Variants in LARP4B observed in about 807,000 individuals in gnomAD.
The protein encoded by LARP4B is la-related protein 4B.
In LARP4B, 12 loss-of-function variants were observed where a neutral mutation model predicts 89.8. The ratio of observed to expected loss-of-function variants is 0.13; its 90% CI spans 0.09 to 0.22. The LOEUF (loss-of-function observed/expected upper bound fraction) is 0.22. Ranked by LOEUF, LARP4B falls within the 10% of genes least tolerant of loss-of-function variation. The pLI, the probability that LARP4B is intolerant of heterozygous loss-of-function variation, is 1.00. For synonymous variants in LARP4B, 367 were observed against 363.3 expected (o/e 1.01, Z -0.12); for missense variants, 757 against 947.7 (o/e 0.80, Z 2.64).
the LARP4B span, among the ~76,000 whole-genome samples, chr10:950,388 T>C: frequency 3.3e-5 from 5 of 152,242 alleles, no homozygotes; most frequent in Non-Finnish European, 7.3e-5. Context: ...GTTGATAGTT[T>C]TGCATTTTAC....
At chr10:968,833 A>T in the LARP4B span, among the ~76,000 whole-genome samples, 1 of 152,250 alleles carries the variant, frequency 6.6e-6, no homozygotes, top group Non-Finnish European at 1.5e-5. Flanking sequence ...ATCCTGGGGA[A>T]AGGGCTAGAA....
chr10:910,001 A>G (rs757191598), intron 1 of LARP4B, among the ~76,000 whole-genome samples: 30 of 152,276 alleles, frequency 2.0e-4, no homozygotes, highest in Middle Eastern at 3.4e-3. Context: ...TATGTGAGGT[A>G]TGCAGGCCCA....
At chr10:881,780 G>A (rs973922744) in intron 3 of LARP4B, among the ~76,000 whole-genome samples, 3 of 152,252 alleles carry the variant, frequency 2.0e-5, no homozygotes, top group East Asian at 1.9e-4. Context: ...CCAGGTGTAC[G>A]CTCATCTTGT....
chr10:984,133 G>C, the LARP4B span, among the ~76,000 whole-genome samples: 1 of 152,094 alleles, frequency 6.6e-6, no homozygotes, highest in Admixed American at 6.5e-5. Flanking sequence ...TTTTTTCACT[G>C]TTTTTAACCT....
chr10:836,549 A>G (rs556459393), intron 7 of LARP4B, 43 bp from the exon 8 acceptor site: 2 of 1,225,014 alleles, frequency 1.6e-6, no homozygotes, highest in African/African-American at 3.0e-5. Context: ...AAAATATTAA[A>G]ATATGATATG....
chr10:934,090 C>T (rs56347655), upstream of LARP4B, among the ~76,000 whole-genome samples: 24,384 of 151,916 alleles, frequency 0.16, 2,405 homozygotes, highest in Non-Finnish European at 0.23. Context: ...CCTCAGCCTC[C>T]CTAAGTGCTG....
At chr10:961,754 C>T in the LARP4B span, among the ~76,000 whole-genome samples, 5 of 152,126 alleles carry the variant, frequency 3.3e-5, no homozygotes, top group African/African-American at 1.2e-4. Flanking sequence ...ACAATGAGCT[C>T]TTGGGGGAAC....
chr10:813,458 C>T (rs1458121215), intron 17 of LARP4B, among the ~76,000 whole-genome samples: 1 of 152,230 alleles, frequency 6.6e-6, no homozygotes, highest in East Asian at 1.9e-4. Context: ...AGAGTGCTGA[C>T]TCAACACCAT....
the LARP4B span, among the ~76,000 whole-genome samples, chr10:963,223 G>T: frequency 6.6e-6 from 1 of 152,164 alleles, no homozygotes; most frequent in Non-Finnish European, 1.5e-5. Context: ...TTAAAATGGG[G>T]TAGGAAGACA....
chr10:932,692 C>T, upstream of LARP4B, among the ~76,000 whole-genome samples: 1 of 147,184 alleles, frequency 6.8e-6, no homozygotes, highest in Non-Finnish European at 1.5e-5. Flanking sequence ...GCCCCGAACG[C>T]CCCACCAGGG....
chr10:846,523 TCCAGCAGTAGGAGG>T (rs1265297546), intron 5 of LARP4B, among the ~76,000 whole-genome samples: 2 of 151,154 alleles, frequency 1.3e-5, no homozygotes, highest in Non-Finnish European at 3.0e-5. Flanking sequence ...AGGGGTAGAG[TCCAGCAGTAGGAGG>T]CCAGCACAGC....
chr10:833,249 TAAAAAAAAAAAAAAAAAA>T (rs56788542), intron 8 of LARP4B, among the ~76,000 whole-genome samples: 32 of 52,044 alleles, frequency 6.1e-4, no homozygotes, highest in East Asian at 6.1e-3. Context: ...TGATGAGCTT[TAAAAAAAAAAAAAAAAAA>T]AAAAAAAAAA....
In LARP4B at chr10:825,241, T is replaced by C; in HGVS notation, c.1308A>G (p.Ser436=). ...ERGPGLLESP[S]IFNFTADRLI... ...ATCGATCTGCAGTGAAGTTAAATAT[T>C]GAAGGACTTTCTAATAACCCAGGTC... is the stretch of plus-strand genomic sequence containing the variant. The change falls in exon 13 of 18, where the codon TCA becomes TCG. Residue 436 remains serine (S), a synonymous_variant. Transcript: ENST00000316157. The C allele has an allele frequency of 6.2e-7, 1 of 1,614,226 alleles. No homozygotes were observed. The highest frequency in any genetic ancestry group is 1.1e-5 in the South Asian group (1 of 91,084).
intron 1 of LARP4B, among the ~76,000 whole-genome samples, chr10:905,994 G>T (rs1296808286): frequency 1.3e-5 from 2 of 152,194 alleles, no homozygotes; most frequent in Admixed American, 6.5e-5. Context: ...CTCTTGCCCT[G>T]TGCAATCAAA....
chr10:895,405 C>A (rs1402384323), intron 1 of LARP4B, among the ~76,000 whole-genome samples: 5 of 150,866 alleles, frequency 3.3e-5, no homozygotes, highest in African/African-American at 1.2e-4. Context: ...AAAAAAATCC[C>A]ATGGAAATAA....
At chr10:954,164 G>A in the LARP4B span, among the ~76,000 whole-genome samples, 2 of 152,142 alleles carry the variant, frequency 1.3e-5, no homozygotes, top group African/African-American at 2.4e-5. This position sits in a 1 kb window ranked among gnomAD's most constrained non-coding sequence, Gnocchi z 5.0. Context: ...TAGTTTTTGC[G>A]CCATCTGCTG....
intron 1 of LARP4B, among the ~76,000 whole-genome samples, chr10:895,620 C>A (rs1836163375): frequency 6.7e-6 from 1 of 149,860 alleles, no homozygotes; most frequent in Non-Finnish European, 1.5e-5. Context: ...TTGCAGTGAG[C>A]TGAAAGCGCA....
intron 11 of LARP4B, among the ~76,000 whole-genome samples, chr10:827,275 C>CAAAAAAAAGAGAAAAA (rs58903055): frequency 6.6e-6 from 1 of 151,090 alleles, no homozygotes; most frequent in African/African-American, 2.4e-5. Context: ...GACTCTGTCT[C>CAAAAAAAAGAGAAAAA]AAAGAAAAAG....
the LARP4B span, among the ~76,000 whole-genome samples, chr10:982,745 T>C: frequency 6.6e-6 from 1 of 152,258 alleles, no homozygotes; most frequent in Non-Finnish European, 1.5e-5. Flanking sequence ...CACAGAAATT[T>C]TGAAAATGAG....
Sources: allele counts gnomAD v4.1 joint callset (sites outside exome capture counted in the v4.1 genomes callset), GRCh38; gene constraint gnomAD v4.1.1; non-coding constraint Gnocchi (gnomAD v3.1); transcripts MANE v1.5; gene names NCBI Gene and HGNC (gene_info 2026-07-23, HGNC 2026-07-21).